The following WDFY3 variants were observed in gnomAD, a reference collection of about 807,000 sequenced individuals.
WDFY3 encodes WD repeat and FYVE domain-containing protein 3.
Under a neutral mutation model 409.6 loss-of-function variants are expected in WDFY3, and 66 were observed. That is an observed-to-expected ratio of 0.16 (90% CI 0.13 to 0.20). The LOEUF is 0.20. Ranked by LOEUF, WDFY3 falls within the 10% of genes least tolerant of loss-of-function variation. The probability of loss-of-function intolerance (pLI) is 1.00; values close to 1 mark genes in which losing one functional copy is unlikely to be tolerated. For synonymous variants in WDFY3, 1,521 were observed against 1,537.1 expected, an observed-to-expected ratio of 0.99 and a Z score of 0.25; for missense variants, 3,031 against 4,298.1, an observed-to-expected ratio of 0.71 and a Z score of 8.24.
intron 3 of WDFY3, among the ~76,000 whole-genome samples, chr4:84,889,314 A>G (rs1038173751): frequency 6.6e-5 from 10 of 152,198 alleles, no homozygotes; most frequent in Admixed American, 5.9e-4. Flanking sequence ...TCTGAGCAAT[A>G]TATTTTGTGC....
Position 84,829,011 on chromosome 4 carries a change from A to G in WDFY3, c.949T>C (p.Leu317=). The G allele has an allele frequency of 6.2e-7, 1 of 1,608,602 alleles. No homozygotes were observed. Among genetic ancestry groups the G allele is most frequent in the Non-Finnish European group, 8.5e-7 (1 of 1,177,284 alleles). The change falls in exon 9 of 68, where the codon TTG becomes CTG. Residue 317 remains leucine, a synonymous_variant. Coordinates refer to ENST00000295888, the MANE Select transcript of WDFY3 (RefSeq NM_014991.6). ...WQGYNFLCDL[L]LRLEQAKEAE... is the part of the protein sequence containing the mutation. ...TAAATTGAGCAGTCTTACCTAAGCA[A>G]GAGATCACAAAGAAAATTATATCCT...
intron 51 of WDFY3, among the ~76,000 whole-genome samples, chr4:84,711,578 C>T (rs895194108): frequency 1.1e-4 from 17 of 152,040 alleles, no homozygotes; most frequent in Admixed American, 3.9e-4. Flanking sequence ...ACAGGCCAGG[C>T]GCAGGGGCTC....
intron 2 of WDFY3, among the ~76,000 whole-genome samples, chr4:84,929,826 G>A (rs777853784): frequency 1.3e-4 from 19 of 151,902 alleles, no homozygotes; most frequent in Admixed American, 3.9e-4. Flanking sequence ...CACGAGAATC[G>A]CTTGAACCCA....
At chr4:84,693,860 A>G (rs894071254) in intron 58 of WDFY3, among the ~76,000 whole-genome samples, 1 of 149,898 alleles carries the variant, frequency 6.7e-6, no homozygotes, top group Admixed American at 6.8e-5. Flanking sequence ...GCGCCACTGC[A>G]CTCCAGCCTG....
chr4:84,926,557 C>CA (rs1479237503), intron 2 of WDFY3, among the ~76,000 whole-genome samples: 1 of 152,104 alleles, frequency 6.6e-6, no homozygotes, highest in Non-Finnish European at 1.5e-5. Context: ...TAAACTCTCT[C>CA]AACACATGTT....
At chr4:84,673,777 GAAA>G in intron 67 of WDFY3, among the ~76,000 whole-genome samples, 1 of 150,820 alleles carries the variant, frequency 6.6e-6, no homozygotes, top group African/African-American at 2.4e-5. Flanking sequence ...AAATGGAAAT[GAAA>G]AAAAAAATTT....
intron 3 of WDFY3, among the ~76,000 whole-genome samples, chr4:84,875,306 A>AC (rs397742943): frequency 6.6e-6 from 1 of 150,438 alleles, no homozygotes; most frequent in African/African-American, 2.4e-5. Context: ...ACACACACAC[A>AC]GAACATACAG....
intron 10 of WDFY3, among the ~76,000 whole-genome samples, chr4:84,822,962 A>G (rs548698465): frequency 1.3e-5 from 2 of 152,324 alleles, no homozygotes; most frequent in African/African-American, 4.8e-5. Flanking sequence ...AATAATCAAC[A>G]TCTCAGCAGC....
In WDFY3 at chr4:84,678,966, G is replaced by A; in HGVS notation, c.10100C>T (p.Pro3367Leu). 3 of 1,614,176 alleles carry A rather than the reference G, an allele frequency of 1.9e-6. No homozygotes were observed. The highest frequency in any genetic ancestry group is 2.5e-6 in the Non-Finnish European group (3 of 1,180,022). ...RAHLQGPLSHPHPNPIEVRNY... is the reference protein window; with the variant it reads ...RAHLQGPLSHLHPNPIEVRNY... ...CCGCACCTCAATGGGATTGGGGTGGGGGTGGCTAAGGGGGCCCTGCAGATG... is the reference window on the plus strand; with the variant it reads ...CCGCACCTCAATGGGATTGGGGTGGAGGTGGCTAAGGGGGCCCTGCAGATG... The change falls in exon 65 of 68, where the codon CCC becomes CTC. Residue 3367 changes from proline to leucine, a missense_variant. Physicochemically the swap from Pro to Leu is moderately conservative, Grantham distance 98. Coordinates refer to ENST00000295888, the MANE Select transcript of WDFY3 (RefSeq NM_014991.6).
At chr4:84,751,323 A>C in intron 36 of WDFY3, 160 bp downstream of exon 36, 1 of 703,622 alleles carries the variant, frequency 1.4e-6, no homozygotes, top group Non-Finnish European at 2.4e-6. Flanking sequence ...TAGGGTTTAA[A>C]GCACATGTGG....
At chr4:84,815,513 T>A (rs946368616) in intron 13 of WDFY3, among the ~76,000 whole-genome samples, 2 of 152,210 alleles carry the variant, frequency 1.3e-5, no homozygotes, top group Non-Finnish European at 2.9e-5. Context: ...GTTCATGTAC[T>A]ATATTCAGTA....
chr4:84,892,502 G>T (rs1765091731), intron 3 of WDFY3, among the ~76,000 whole-genome samples: 1 of 151,986 alleles, frequency 6.6e-6, no homozygotes, highest in Admixed American at 6.6e-5. Context: ...AAATGTCATG[G>T]TTGATTTTTA....
At chr4:84,886,368 TTTC>T (rs1224089661) in intron 3 of WDFY3, 2 of 152,120 alleles carry the variant, frequency 1.3e-5, no homozygotes, top group Non-Finnish European at 2.9e-5. Flanking sequence ...TATTTGTTTA[TTTC>T]TTCTTTTTTT....
Position 84,742,974 on chromosome 4 carries a change from A to G in WDFY3, c.6073+726T>C, listed in dbSNP as rs115286571. Among the ~76,000 whole-genome samples, 563 of 152,316 alleles carry G rather than the reference A, an allele frequency of 3.7e-3. 1 individual carries two copies. Among genetic ancestry groups the G allele is most frequent in the South Asian group, 7.9e-3 (38 of 4,828 alleles). ...TGTCTTTGTGTAGTATGACTGCTCT[A>G]AACTGGTAAGAATAAGTACAAAAGT... is the stretch of plus-strand genomic sequence containing the variant. On this transcript the variant is annotated intron_variant, in intron 37 of 67. Transcript: ENST00000295888.
chr4:84,796,857 ATTT>A, intron 18 of WDFY3, 105 bp from the exon 19 acceptor site: 1 of 911,812 alleles, frequency 1.1e-6, no homozygotes, highest in Admixed American at 2.8e-5. Context: ...ATAGACAATA[ATTT>A]TTTTTTAAGT....
intron 66 of WDFY3, 104 bp from the exon 67 acceptor site, chr4:84,677,500 G>T: frequency 1.7e-6 from 2 of 1,149,752 alleles, no homozygotes; most frequent in Non-Finnish European, 2.4e-6. Context: ...GGTCGGGGCT[G>T]GTAAGGGTCC....
intron 56 of WDFY3, among the ~76,000 whole-genome samples, chr4:84,698,994 G>T (rs1730619720): frequency 6.6e-6 from 1 of 151,712 alleles, no homozygotes; most frequent in African/African-American, 2.4e-5. Flanking sequence ...AGCCCCAAGT[G>T]TGTTTTCTTT....
Position 84,966,340 on chromosome 4 carries a change from AGCCCCGCGCCGCGGGCCGGGG to A in WDFY3, c.-378_-358del, listed in dbSNP as rs941010815. 6.7e-6 allele frequency: 1 copy of A among 148,720 alleles called. No individual in the cohort carries two copies. Among genetic ancestry groups the A allele is most frequent in the Non-Finnish European group, 1.5e-5 (1 of 66,928 alleles). The allele number at this position is 148,720 out of a possible 1,614,324, so 9.2% of individuals were successfully genotyped here. A position where few individuals can be genotyped will look rare whatever the true frequency, so the allele number is the denominator to read the frequency against. On this transcript the variant is annotated 5_prime_UTR_variant, in exon 1 of 68. Coordinates refer to ENST00000295888, the MANE Select transcript of WDFY3 (RefSeq NM_014991.6). ...CGCGACGTCCGCGGCGGGGCCCGGG[AGCCCCGCGCCGCGGGCCGGGG>A]GCCGGGGCCCGAGCTCGATTCTGCG...
intron 43 of WDFY3, among the ~76,000 whole-genome samples, chr4:84,734,276 G>A (rs1009241533): frequency 6.6e-6 from 1 of 152,052 alleles, no homozygotes; most frequent in Admixed American, 6.5e-5. Context: ...AGTAGACAGT[G>A]ACAAATAACT....
Sources: allele counts gnomAD v4.1 joint callset (sites outside exome capture counted in the v4.1 genomes callset), GRCh38; gene constraint gnomAD v4.1.1; transcripts MANE v1.5; gene names NCBI Gene and HGNC (gene_info 2026-07-23, HGNC 2026-07-21).